The following NXN variants were observed in gnomAD, a reference collection of about 807,000 sequenced individuals.
NXN encodes the protein nucleoredoxin 1.
A neutral mutation model predicts 48.6 loss-of-function variants in NXN; 16 were observed. The observed-to-expected ratio is 0.33, with a 90% CI of 0.22 to 0.50. The LOEUF (loss-of-function observed/expected upper bound fraction) is 0.50. Ranked by LOEUF, NXN falls within the 20% of genes least tolerant of loss-of-function variation. The probability of loss-of-function intolerance (pLI) is 0.98; values close to 1 mark genes in which losing one functional copy is unlikely to be tolerated. For synonymous variants in NXN, 281 were observed against 269.6 expected (o/e 1.04, Z -0.41); for missense variants, 492 against 605.5 (o/e 0.81, Z 1.97).
intron 1 of NXN, among the ~76,000 whole-genome samples, chr17:945,485 G>C (rs2069032343): frequency 6.6e-6 from 1 of 151,516 alleles, no homozygotes; most frequent in African/African-American, 2.4e-5. Flanking sequence ...AAAAAAATTA[G>C]CCGGGCGTGG....
At chr17:811,766 G>A (rs1912026026) in intron 5 of NXN, among the ~76,000 whole-genome samples, 1 of 152,038 alleles carries the variant, frequency 6.6e-6, no homozygotes, top group African/African-American at 2.4e-5. Flanking sequence ...CAGCTCAAGG[G>A]CACAGCCTCG....
chr17:874,875 T>G (rs1025090100), intron 1 of NXN, among the ~76,000 whole-genome samples: 1 of 152,100 alleles, frequency 6.6e-6, no homozygotes, highest in Non-Finnish European at 1.5e-5. Flanking sequence ...CTGTTACAGG[T>G]GAATAAATAA....
intron 1 of NXN, among the ~76,000 whole-genome samples, chr17:892,002 C>T (rs1338280080): frequency 6.1e-5 from 6 of 98,132 alleles, no homozygotes; most frequent in South Asian, 4.1e-4. Context: ...CCATGCACAA[C>T]GCAACAGGGA....
At chr17:866,394 G>A (rs1295747210) in intron 1 of NXN, among the ~76,000 whole-genome samples, 19 of 152,104 alleles carry the variant, frequency 1.2e-4, no homozygotes, top group Admixed American at 1.2e-3. Context: ...ATCAGCCTGG[G>A]CAACATGGTG....
At chr17:885,532 T>C (rs996377945) in intron 1 of NXN, among the ~76,000 whole-genome samples, 1 of 152,016 alleles carries the variant, frequency 6.6e-6, no homozygotes, top group Non-Finnish European at 1.5e-5. Context: ...ATAGTCCGTC[T>C]CCTATGTCTA....
At chr17:912,022 CT>C (rs968682523) in intron 1 of NXN, among the ~76,000 whole-genome samples, 1 of 151,408 alleles carries the variant, frequency 6.6e-6, no homozygotes, top group African/African-American at 2.4e-5. Context: ...ACTGCAACCT[CT>C]GCCTCCCGAG....
chr17:864,126 C>T, intron 1 of NXN: 1 of 1,463,888 alleles, frequency 6.8e-7, no homozygotes, highest in Non-Finnish European at 9.0e-7. Flanking sequence ...TTGCTCACTT[C>T]CGGTGAAGGG....
At chr17:848,083 C>T (rs1053714587) in intron 1 of NXN, among the ~76,000 whole-genome samples, 1 of 151,974 alleles carries the variant, frequency 6.6e-6, no homozygotes, top group East Asian at 1.9e-4. Flanking sequence ...CCCTGACACC[C>T]TCAGGAGGAC....
chr17:979,244 T>TAACGGGCGTGGGGGGCGGGCAGGGGG (rs2069504614), intron 1 of NXN, 75 bp downstream of exon 1: 14 of 865,236 alleles, frequency 1.6e-5, no homozygotes, highest in South Asian at 1.2e-4. Context: ...AGGGCAGGGG[T>TAACGGGCGTGGGGGGCGGGCAGGGGG]AACGGGCGTG....
At chr17:916,020 A>G (rs1191395820) in intron 1 of NXN, among the ~76,000 whole-genome samples, 2 of 152,230 alleles carry the variant, frequency 1.3e-5, no homozygotes, top group Non-Finnish European at 2.9e-5. Flanking sequence ...AGGCAAAGAT[A>G]AAAACACTGA....
intron 1 of NXN, among the ~76,000 whole-genome samples, chr17:855,458 T>C (rs2067975196): frequency 1.3e-5 from 2 of 152,168 alleles, no homozygotes; most frequent in East Asian, 1.9e-4. Context: ...TAGTAAAAAC[T>C]TGACTGCTCC....
chr17:811,983 A>G (rs1159486923), intron 5 of NXN, among the ~76,000 whole-genome samples: 3 of 126,296 alleles, frequency 2.4e-5, no homozygotes, highest in Non-Finnish European at 4.6e-5. Flanking sequence ...GCTGGAGTGC[A>G]GTGGCAAGAT....
chr17:851,921 TTTAAAGATGGC>T (rs1271638886), intron 1 of NXN, among the ~76,000 whole-genome samples: 13 of 152,154 alleles, frequency 8.5e-5, no homozygotes, highest in Admixed American at 3.3e-4. Flanking sequence ...TTTCCAGTGG[TTTAAAGATGGC>T]GCCACAGCGA....
At chr17:976,690 C>T (rs1476190668) in intron 1 of NXN, among the ~76,000 whole-genome samples, 2 of 152,104 alleles carry the variant, frequency 1.3e-5, no homozygotes, top group South Asian at 4.1e-4. Flanking sequence ...AGCACCCTAA[C>T]TTCAAATGAG....
chr17:898,196 G>A (rs1051080644), intron 1 of NXN, among the ~76,000 whole-genome samples: 30 of 152,158 alleles, frequency 2.0e-4, no homozygotes, highest in African/African-American at 7.0e-4. Context: ...GTCGAGGCTG[G>A]TCTGTGCATT....
intron 1 of NXN, among the ~76,000 whole-genome samples, chr17:964,974 G>A (rs1394949408): frequency 6.6e-6 from 1 of 152,230 alleles, no homozygotes; most frequent in African/African-American, 2.4e-5. Flanking sequence ...GAGGCGGGGA[G>A]AGGGGTGTTG....
At chr17:943,408 C>T (rs753631908) in intron 1 of NXN, among the ~76,000 whole-genome samples, 2 of 152,070 alleles carry the variant, frequency 1.3e-5, no homozygotes, top group Admixed American at 6.6e-5. Flanking sequence ...AGAGAGGCCC[C>T]GAGTGATGAC....
In NXN at chr17:835,159, T is replaced by C. The variant is rs1033341689; in HGVS notation, c.361-9081A>G. Among the ~76,000 whole-genome samples the C allele has an allele frequency of 8.7e-4, 132 of 151,002 alleles. 1 individual carries two copies. Among genetic ancestry groups the C allele is most frequent in the African/African-American group, 2.7e-3 (109 of 41,026 alleles). ...CTGTCTCTACTAAAAATACAAAAAA[T>C]TAGCCGGGTGTGGTGACGGGTGCCT... On this transcript the variant is annotated intron_variant, in intron 1 of 7. Coordinates refer to ENST00000336868, the MANE Select transcript of NXN (RefSeq NM_022463.5).
At chr17:882,953 C>CTGTGT (rs1362809101) in intron 1 of NXN, among the ~76,000 whole-genome samples, 1 of 152,138 alleles carries the variant, frequency 6.6e-6, no homozygotes, top group African/African-American at 2.4e-5. Flanking sequence ...AGGGTTTCAC[C>CTGTGT]ATGTTGGCCA....
Sources: allele counts gnomAD v4.1 joint callset (sites outside exome capture counted in the v4.1 genomes callset), GRCh38; gene constraint gnomAD v4.1.1; transcripts MANE v1.5; gene names NCBI Gene and HGNC (gene_info 2026-07-23, HGNC 2026-07-21).